VRK2: variants seen among roughly 807,000 people sequenced by gnomAD.
VRK2 encodes VRK serine/threonine kinase 2.
VRK2 carries 60 observed loss-of-function variants against 57.6 expected under a neutral mutation model. The observed-to-expected ratio is 1.04, with a 90% CI of 0.85 to 1.29. The LOEUF is 1.29. VRK2 is among the 50% of genes most tolerant of loss of function. VRK2 has a pLI of 0.00. For missense variants in VRK2, 705 were observed against 588.1 expected, an observed-to-expected ratio of 1.20 and a Z score of -2.06; for synonymous variants, 231 against 199.2, an observed-to-expected ratio of 1.16 and a Z score of -1.35.
chr2:58,060,106 A>G (rs1677105071), intron 2 of VRK2, among the ~76,000 whole-genome samples: 1 of 151,826 alleles, frequency 6.6e-6, no homozygotes, highest in South Asian at 2.1e-4. Context: ...TAGTAGAAGA[A>G]AAAGTAGTAA....
At chr2:58,024,216 G>A in intron 1 of VRK2, among the ~76,000 whole-genome samples, 1 of 152,138 alleles carries the variant, frequency 6.6e-6, no homozygotes. Context: ...GAGGAGAGAG[G>A]AGAGCAGTCC....
At chr2:58,110,257 T>G (rs988679608) in intron 7 of VRK2, among the ~76,000 whole-genome samples, 1 of 152,238 alleles carries the variant, frequency 6.6e-6, no homozygotes, top group Non-Finnish European at 1.5e-5. Context: ...GGAGAACATG[T>G]ATATACATGT....
chr2:58,030,241 C>T (rs1022669676), intron 2 of VRK2, among the ~76,000 whole-genome samples: 1 of 152,066 alleles, frequency 6.6e-6, no homozygotes, highest in Non-Finnish European at 1.5e-5. Context: ...ACTTAAAACA[C>T]TTAGCAATTT....
chr2:57,953,375 T>C (rs182456772), intron 1 of VRK2, among the ~76,000 whole-genome samples: 5 of 152,330 alleles, frequency 3.3e-5, no homozygotes, highest in African/African-American at 4.8e-5. Flanking sequence ...TTGTTCCATA[T>C]CTATAATACA....
At chr2:57,993,141 C>G (rs1446807258) in intron 1 of VRK2, among the ~76,000 whole-genome samples, 1 of 152,150 alleles carries the variant, frequency 6.6e-6, no homozygotes, top group Non-Finnish European at 1.5e-5. Context: ...TTTAAGGCCA[C>G]AAGACATTTC....
chr2:58,040,525 A>G (rs1674415385), intron 3 of VRK2, among the ~76,000 whole-genome samples: 1 of 152,202 alleles, frequency 6.6e-6, no homozygotes, highest in African/African-American at 2.4e-5. Context: ...CTGTAGTGGA[A>G]GTAGTAAAGC....
Position 57,969,631 on chromosome 2 carries a change from C to T in VRK2, c.-438-56034C>T, listed in dbSNP as rs190515258. Among the ~76,000 whole-genome samples, 1,218 of 152,036 alleles carry T rather than the reference C, an allele frequency of 8.0e-3. 7 individuals are homozygous for T. The highest frequency in any genetic ancestry group is 0.01 in the Non-Finnish European group (701 of 67,966). ...TTATTTCAAGAATTTAGAAACAATA[C>T]TTCAAGAAGTTCTAAGGAAATGAAC... On this transcript the variant is annotated intron_variant, in intron 1 of 15. Transcript: ENST00000417641.
intron 4 of VRK2, 98 bp downstream of exon 4, chr2:58,085,048 T>A: frequency 1.8e-6 from 2 of 1,107,708 alleles, no homozygotes; most frequent in Non-Finnish European, 2.5e-6. Flanking sequence ...AAAATTCTTT[T>A]CAATAGAAAT....
intron 1 of VRK2, among the ~76,000 whole-genome samples, chr2:57,974,036 TGA>T (rs991716049): frequency 4.6e-5 from 7 of 151,650 alleles, no homozygotes; most frequent in African/African-American, 1.7e-4. Context: ...TTCCAGAAAA[TGA>T]GAGTGACATG....
intron 1 of VRK2, among the ~76,000 whole-genome samples, chr2:57,975,897 T>C (rs1216258791): frequency 3.9e-5 from 6 of 152,000 alleles, no homozygotes; most frequent in Admixed American, 3.9e-4. Flanking sequence ...GATAGGTATT[T>C]TTTGACCCTC....
At chr2:57,908,247 T>G (rs1450052403) in intron 1 of VRK2, among the ~76,000 whole-genome samples, 1 of 152,206 alleles carries the variant, frequency 6.6e-6, no homozygotes, top group African/African-American at 2.4e-5. Flanking sequence ...TGACCACACA[T>G]CACGTATGAT....
intron 1 of VRK2, among the ~76,000 whole-genome samples, chr2:57,934,685 T>C (rs1670847206): frequency 6.6e-6 from 1 of 152,192 alleles, no homozygotes; most frequent in South Asian, 2.1e-4. Flanking sequence ...TCTTTTCTAC[T>C]GAAAATTTCA....
At chr2:57,920,056 T>A (rs957698427) in intron 1 of VRK2, among the ~76,000 whole-genome samples, 5 of 152,276 alleles carry the variant, frequency 3.3e-5, no homozygotes, top group Admixed American at 2.0e-4. Flanking sequence ...GATTGATTTT[T>A]GGTGTTGAGA....
chr2:58,046,691 G>C, upstream of VRK2: 1 of 985,562 alleles, frequency 1.0e-6, no homozygotes, highest in Non-Finnish European at 1.2e-6. Context: ...GAGGCTCCGC[G>C]GGCCGCTGCA....
Position 58,013,543 on chromosome 2 carries a change from A to G in VRK2, c.-438-12122A>G, listed in dbSNP as rs1213884514. ...TAAATAAGTAATAATAAATTGCTAAAAAGTTTTTAAAAAACAGATATGATT... is the reference window on the plus strand; with the variant it reads ...TAAATAAGTAATAATAAATTGCTAAGAAGTTTTTAAAAAACAGATATGATT... On this transcript the variant is annotated intron_variant, in intron 1 of 15. Coordinates refer to the VRK2 transcript ENST00000417641. Among the ~76,000 whole-genome samples, 4 of 152,326 alleles carry G rather than the reference A, an allele frequency of 2.6e-5. No individual in the cohort carries two copies. The East Asian group carries it at 7.7e-4, about 29-fold the overall frequency.
intron 1 of VRK2, among the ~76,000 whole-genome samples, chr2:58,022,212 C>G (rs1333144705): frequency 6.6e-6 from 1 of 152,162 alleles, no homozygotes; most frequent in Non-Finnish European, 1.5e-5. Flanking sequence ...TCACTGCACC[C>G]AGACAATGAC....
chr2:58,026,462 T>A (rs1673929851), intron 2 of VRK2, among the ~76,000 whole-genome samples: 1 of 152,148 alleles, frequency 6.6e-6, no homozygotes, highest in Non-Finnish European at 1.5e-5. Context: ...AATTACTCTT[T>A]CTATGAATAT....
chr2:58,076,106 C>CTTTTTTTTTTTTTTT (rs71394406), intron 2 of VRK2, among the ~76,000 whole-genome samples: 2 of 121,814 alleles, frequency 1.6e-5, no homozygotes, highest in Non-Finnish European at 3.5e-5. Flanking sequence ...CTACTGTCTT[C>CTTTTTTTTTTTTTTT]TTTTTTTTTT....
At chr2:58,063,978 G>A (rs1016413908) in intron 2 of VRK2, among the ~76,000 whole-genome samples, 1 of 152,124 alleles carries the variant, frequency 6.6e-6, no homozygotes, top group Non-Finnish European at 1.5e-5. Context: ...AACTATAGAT[G>A]TGACAGAAAT....
Sources: gnomAD v4.1 joint callset for allele counts (sites outside exome capture counted in the v4.1 genomes callset) on GRCh38, gnomAD v4.1.1 for gene constraint, MANE v1.5 for transcripts, NCBI Gene and HGNC (gene_info 2026-07-23, HGNC 2026-07-21) for gene names.